Variants in PRELID2 observed in about 807,000 individuals in gnomAD.
The protein encoded by PRELID2 is PRELI domain containing 2.
Under a neutral mutation model 28.4 loss-of-function variants are expected in PRELID2, and 25 were observed. The observed-to-expected ratio is 0.88, with a 90% CI of 0.64 to 1.23. The LOEUF (loss-of-function observed/expected upper bound fraction) is 1.23. Ranked by LOEUF, PRELID2 falls within the 50% of genes most tolerant of loss-of-function variation. The pLI is 0.00. For synonymous variants in PRELID2, 76 were observed against 71.6 expected, an observed-to-expected ratio of 1.06 and a Z score of -0.31; for missense variants, 201 against 214.4, an observed-to-expected ratio of 0.94 and a Z score of 0.39.
intron 1 of PRELID2, among the ~76,000 whole-genome samples, chr5:145,832,660 C>T (rs1366966073): frequency 1.3e-5 from 2 of 152,110 alleles, no homozygotes; most frequent in Non-Finnish European, 2.9e-5. Context: ...CTTCTCTGGT[C>T]CTCAGTTTCT....
chr5:145,404,355 T>C, the PRELID2 span, among the ~76,000 whole-genome samples: 2 of 152,194 alleles, frequency 1.3e-5, no homozygotes, highest in Non-Finnish European at 2.9e-5. Context: ...ACAGAGACTG[T>C]GGGATCAAAT....
chr5:145,567,343 A>ATGGTTTGTTTTGTTT (rs373786888), intron 1 of PRELID2, among the ~76,000 whole-genome samples: 1 of 146,208 alleles, frequency 6.8e-6, no homozygotes, highest in Admixed American at 6.8e-5. Context: ...ATGAGATCTG[A>ATGGTTTGTTTTGTTT]TGGTTTGGTT....
At chr5:145,677,549 G>C (rs1473434517) in intron 1 of PRELID2, among the ~76,000 whole-genome samples, 1 of 152,174 alleles carries the variant, frequency 6.6e-6, no homozygotes, top group Non-Finnish European at 1.5e-5. Context: ...ATAATCTAGA[G>C]GTAGAGGGGT....
intron 5 of PRELID2, among the ~76,000 whole-genome samples, chr5:145,792,785 T>C (rs1752482639): frequency 6.6e-6 from 1 of 152,234 alleles, no homozygotes; most frequent in Admixed American, 6.5e-5. Flanking sequence ...GGCAGTGATT[T>C]TTCTTAATTC....
chr5:145,715,323 T>G, intron 1 of PRELID2, among the ~76,000 whole-genome samples: 1 of 152,120 alleles, frequency 6.6e-6, no homozygotes, highest in South Asian at 2.1e-4. Context: ...TCTAGTTAAC[T>G]TGTCTTCAAA....
At chr5:145,432,147 G>A in the PRELID2 span, among the ~76,000 whole-genome samples, 1 of 152,010 alleles carries the variant, frequency 6.6e-6, no homozygotes, top group Non-Finnish European at 1.5e-5. Flanking sequence ...TGCTTCTGAG[G>A]ATAAAAGAAA....
In PRELID2 at chr5:145,822,977, T is replaced by A. The variant is rs530871716; in HGVS notation, c.133+100A>T. On this transcript the variant is annotated intron_variant, in intron 2 of 6. Coordinates refer to ENST00000683046, the MANE Select transcript of PRELID2 (RefSeq NM_205846.3). The stretch of plus-strand genomic sequence containing the variant: ...AAGAAACTGCAGGTGAACAATTTTT[T>A]AAAAAAAACCTAATAGGCCACACAC... The A allele has an allele frequency of 1.8e-3, 1,093 of 601,492 alleles. 17 individuals are homozygous for A. The East Asian group carries it at 0.029, about 16-fold the overall frequency. The allele number at this position is 601,492 out of a possible 1,614,324, so 37.3% of individuals were successfully genotyped here.
chr5:145,272,235 TTCAATA>T, the PRELID2 span, among the ~76,000 whole-genome samples: 1 of 152,168 alleles, frequency 6.6e-6, no homozygotes, highest in African/African-American at 2.4e-5. Context: ...AGATTAACAT[TTCAATA>T]CTTAGCTGAA....
At chr5:145,361,967 C>T in the PRELID2 span, among the ~76,000 whole-genome samples, 1 of 152,180 alleles carries the variant, frequency 6.6e-6, no homozygotes, top group Non-Finnish European at 1.5e-5. Context: ...TGGACTCAGA[C>T]ACCTTATAGC....
At chr5:145,263,350 C>G in the PRELID2 span, among the ~76,000 whole-genome samples, 2 of 151,960 alleles carry the variant, frequency 1.3e-5, no homozygotes, top group East Asian at 3.9e-4. Flanking sequence ...CAGATACTTA[C>G]AGAACATTCT....
chr5:145,394,004 A>C, the PRELID2 span, among the ~76,000 whole-genome samples: 957 of 152,304 alleles, frequency 6.3e-3, 7 homozygotes, highest in Non-Finnish European at 9.8e-3. Flanking sequence ...TAGTTCAACC[A>C]TTGTGGAAGT....
At chr5:145,676,392 A>G (rs1754818809) in intron 1 of PRELID2, among the ~76,000 whole-genome samples, 1 of 152,030 alleles carries the variant, frequency 6.6e-6, no homozygotes, top group Non-Finnish European at 1.5e-5. Context: ...ACAAAAAATT[A>G]TCAAGGCTTG....
chr5:145,491,492 T>C (rs996845884), intron 1 of PRELID2, among the ~76,000 whole-genome samples: 2 of 152,230 alleles, frequency 1.3e-5, no homozygotes, highest in Non-Finnish European at 1.5e-5. Flanking sequence ...CATTGTGGAA[T>C]GACTAAATCT....
chr5:145,780,011 T>C (rs1440082162), intron 5 of PRELID2, among the ~76,000 whole-genome samples: 2 of 152,094 alleles, frequency 1.3e-5, no homozygotes, highest in Non-Finnish European at 2.9e-5. Flanking sequence ...TGAGACCTCG[T>C]CTCTTAAAAT....
the PRELID2 span, among the ~76,000 whole-genome samples, chr5:145,355,832 G>A: frequency 6.6e-6 from 1 of 152,098 alleles, no homozygotes; most frequent in African/African-American, 2.4e-5. Flanking sequence ...TTACAGAATT[G>A]TTTGAAAAGT....
At chr5:145,342,521 C>G in the PRELID2 span, among the ~76,000 whole-genome samples, 6 of 151,960 alleles carry the variant, frequency 3.9e-5, no homozygotes, top group Admixed American at 3.9e-4. Context: ...ATTAAATTAT[C>G]CACTGAATAT....
the PRELID2 span, among the ~76,000 whole-genome samples, chr5:145,248,751 C>G: frequency 6.6e-6 from 1 of 151,496 alleles, no homozygotes; most frequent in Non-Finnish European, 1.5e-5. Flanking sequence ...GAACCGAGAT[C>G]TCACCACTGT....
At chr5:145,463,227 A>G in the PRELID2 span, among the ~76,000 whole-genome samples, 1 of 151,730 alleles carries the variant, frequency 6.6e-6, no homozygotes, top group African/African-American at 2.4e-5. Flanking sequence ...AAAATCCTTC[A>G]TTTTGGTCTA....
chr5:145,622,010 T>C (rs1753780963), intron 1 of PRELID2, among the ~76,000 whole-genome samples: 1 of 152,154 alleles, frequency 6.6e-6, no homozygotes. Context: ...AAACTACTGA[T>C]ACATGCTACA....
Sources: allele counts gnomAD v4.1 joint callset (sites outside exome capture counted in the v4.1 genomes callset), GRCh38; gene constraint gnomAD v4.1.1; transcripts MANE v1.5; gene names NCBI Gene and HGNC (gene_info 2026-07-23, HGNC 2026-07-21).